The following TASP1 variants were observed in gnomAD, a reference collection of about 807,000 sequenced individuals.
The protein encoded by TASP1 is taspase 1.
A neutral mutation model predicts 56.6 loss-of-function variants in TASP1; 16 were observed. The observed-to-expected ratio is 0.28, with a 90% CI of 0.19 to 0.43. The LOEUF (loss-of-function observed/expected upper bound fraction) is 0.43. Among genes scored for constraint, TASP1 ranks in the 20% least tolerant of loss-of-function variants. The pLI, the probability that TASP1 is intolerant of heterozygous loss-of-function variation, is 1.00. For synonymous variants in TASP1, 179 were observed against 184.2 expected, an observed-to-expected ratio of 0.97 and a Z score of 0.23; for missense variants, 393 against 511.6, an observed-to-expected ratio of 0.77 and a Z score of 2.24.
At chr20:13,181,662 A>G in the TASP1 span, among the ~76,000 whole-genome samples, 2 of 152,204 alleles carry the variant, frequency 1.3e-5, no homozygotes, top group East Asian at 1.9e-4. Context: ...CATATTACCC[A>G]CTTGCTCTGA....
At chr20:13,588,272 AGG>A (rs879668917) in intron 4 of TASP1, among the ~76,000 whole-genome samples, 5,397 of 125,870 alleles carry the variant, frequency 0.043, 259 homozygotes, top group African/African-American at 0.1. Flanking sequence ...GAAGGAAGGA[AGG>A]AAGGAAGGAA....
chr20:13,405,713 A>ATTT (rs1278098247), intron 13 of TASP1, among the ~76,000 whole-genome samples: 81 of 136,572 alleles, frequency 5.9e-4, no homozygotes, highest in African/African-American at 1.6e-3. Context: ...TGCCCAGCTA[A>ATTT]TTTTTTTTTT....
chr20:13,334,679 G>A, the TASP1 span, among the ~76,000 whole-genome samples: 1 of 152,068 alleles, frequency 6.6e-6, no homozygotes, highest in Non-Finnish European at 1.5e-5. Context: ...TGAAAAACAA[G>A]GATTTGCCTA....
the TASP1 span, among the ~76,000 whole-genome samples, chr20:13,352,216 A>C: frequency 2.0e-5 from 3 of 152,270 alleles, no homozygotes; most frequent in African/African-American, 7.2e-5. Flanking sequence ...TTGGGAGGCC[A>C]AGGTGGGTGG....
chr20:13,225,844 T>G, the TASP1 span, among the ~76,000 whole-genome samples: 6 of 152,158 alleles, frequency 3.9e-5, no homozygotes, highest in African/African-American at 1.4e-4. Flanking sequence ...TTCACATATA[T>G]TTAATTAATG....
At chr20:13,315,757 T>TA in the TASP1 span, among the ~76,000 whole-genome samples, 5 of 151,798 alleles carry the variant, frequency 3.3e-5, no homozygotes, top group African/African-American at 1.2e-4. Flanking sequence ...GACCATAAAA[T>TA]ACACCTTAAA....
chr20:13,135,171 A>T, the TASP1 span, among the ~76,000 whole-genome samples: 2 of 152,250 alleles, frequency 1.3e-5, no homozygotes, highest in Non-Finnish European at 2.9e-5. Context: ...AGCATTTATA[A>T]TAATTATTTA....
chr20:13,265,544 T>G, the TASP1 span, among the ~76,000 whole-genome samples: 3 of 152,188 alleles, frequency 2.0e-5, no homozygotes, highest in African/African-American at 7.2e-5. Flanking sequence ...ATCGAAAGCT[T>G]CCTTGCTTCT....
At chr20:13,327,593 T>A in the TASP1 span, among the ~76,000 whole-genome samples, 1 of 152,138 alleles carries the variant, frequency 6.6e-6, no homozygotes, top group Admixed American at 6.5e-5. Context: ...AGCATGGTAC[T>A]GGTACAAGAA....
At chr20:13,464,532 C>G in intron 11 of TASP1, among the ~76,000 whole-genome samples, 1 of 152,034 alleles carries the variant, frequency 6.6e-6, no homozygotes. Context: ...AATGGATAAA[C>G]AAAATGTAGT....
intron 4 of TASP1, among the ~76,000 whole-genome samples, chr20:13,606,535 C>T (rs751298364): frequency 5.9e-5 from 9 of 152,102 alleles, no homozygotes; most frequent in African/African-American, 1.2e-4. Context: ...AGGCTGGACG[C>T]GGTGGCTCAC....
chr20:13,203,626 G>A, the TASP1 span, among the ~76,000 whole-genome samples: 1 of 152,112 alleles, frequency 6.6e-6, no homozygotes, highest in African/African-American at 2.4e-5. Flanking sequence ...TAATTAGTTT[G>A]GTTAACATGG....
intron 4 of TASP1, among the ~76,000 whole-genome samples, chr20:13,589,611 T>C (rs549278012): frequency 6.6e-6 from 1 of 151,886 alleles, no homozygotes; most frequent in Non-Finnish European, 1.5e-5. Flanking sequence ...TAAATAGGAC[T>C]TCATCAAAAT....
chr20:13,287,130 T>C, the TASP1 span, among the ~76,000 whole-genome samples: 1 of 152,244 alleles, frequency 6.6e-6, no homozygotes, highest in Non-Finnish European at 1.5e-5. Flanking sequence ...TATTAGTCTA[T>C]TCTCATACTG....
chr20:13,307,438 G>A, the TASP1 span, among the ~76,000 whole-genome samples: 1 of 152,108 alleles, frequency 6.6e-6, no homozygotes, highest in African/African-American at 2.4e-5. Flanking sequence ...GGAGCTCTCT[G>A]GGGCTACAGA....
At chr20:13,332,399 A>C in the TASP1 span, among the ~76,000 whole-genome samples, 8 of 152,222 alleles carry the variant, frequency 5.3e-5, no homozygotes, top group Non-Finnish European at 1.0e-4. Flanking sequence ...TGCTCTAAGT[A>C]AACTTAAATT....
chr20:13,476,897 G>A (rs2042968123), intron 11 of TASP1, among the ~76,000 whole-genome samples: 1 of 151,976 alleles, frequency 6.6e-6, no homozygotes, highest in South Asian at 2.1e-4. Flanking sequence ...CATTTTCTTA[G>A]GAATCCCTCA....
the TASP1 span, among the ~76,000 whole-genome samples, chr20:13,236,567 A>C: frequency 6.6e-6 from 1 of 152,188 alleles, no homozygotes; most frequent in Non-Finnish European, 1.5e-5. Flanking sequence ...GAATTAACCC[A>C]AAAGTCCACA....
intron 8 of TASP1, among the ~76,000 whole-genome samples, chr20:13,547,912 T>C (rs1464874188): frequency 6.6e-6 from 1 of 152,160 alleles, no homozygotes; most frequent in Non-Finnish European, 1.5e-5. Context: ...GGAACCTCAT[T>C]CTACTGGAAG....
Sources: gnomAD v4.1 joint callset for allele counts (sites outside exome capture counted in the v4.1 genomes callset) on GRCh38, gnomAD v4.1.1 for gene constraint, MANE v1.5 for transcripts, NCBI Gene and HGNC (gene_info 2026-07-23, HGNC 2026-07-21) for gene names.